HS3ST1: variants seen among roughly 807,000 people sequenced by gnomAD.
HS3ST1 encodes heparan sulfate glucosamine 3-O-sulfotransferase 1.
Under a neutral mutation model 20.7 loss-of-function variants are expected in HS3ST1, and 8 were observed. That is an observed-to-expected ratio of 0.39 (90% CI 0.23 to 0.70). HS3ST1 has a LOEUF of 0.70. Ranked by LOEUF, HS3ST1 falls within the 30% of genes least tolerant of loss-of-function variation. The pLI, the probability that HS3ST1 is intolerant of heterozygous loss-of-function variation, is 0.46. For synonymous variants in HS3ST1, 205 were observed against 190.4 expected (o/e 1.08, Z -0.63); for missense variants, 436 against 423.4 (o/e 1.03, Z -0.26).
At chr4:11,403,399 G>A (rs1388689719) in intron 1 of HS3ST1, among the ~76,000 whole-genome samples, 1 of 152,176 alleles carries the variant, frequency 6.6e-6, no homozygotes, top group Non-Finnish European at 1.5e-5. Context: ...GAACCTGTAA[G>A]CCATTCCTGT....
At position 11,394,562 on chromosome 4, in the gene HS3ST1, A is replaced by G. The variant is rs887228250; in HGVS notation, c.*4520T>C. ...GTTTTATCACGTCCCTGTTGCATCAAATCCCAGCCACTGCTTTGCTTGAAG... is the reference window on the plus strand; with the variant it reads ...GTTTTATCACGTCCCTGTTGCATCAGATCCCAGCCACTGCTTTGCTTGAAG... On this transcript the variant is annotated 3_prime_UTR_variant, in exon 2 of 2. Coordinates refer to ENST00000002596, the MANE Select transcript of HS3ST1 (RefSeq NM_005114.4). 1.3e-5 allele frequency: 2 copies of G among 152,158 alleles called. No individual in the cohort carries two copies. Among genetic ancestry groups the G allele is most frequent in the African/African-American group, 2.4e-5 (1 of 41,428 alleles). 9.4% of individuals were successfully genotyped at this position (152,158 alleles called of 1,614,324 possible). A position where few individuals can be genotyped will look rare whatever the true frequency, so the allele number is the denominator to read the frequency against.
chr4:11,402,591 G>A (rs996384351), intron 1 of HS3ST1, among the ~76,000 whole-genome samples: 1 of 152,202 alleles, frequency 6.6e-6, no homozygotes, highest in African/African-American at 2.4e-5. Context: ...GTGTGTGTGT[G>A]TGTGCAGGTA....
At position 11,399,144 on chromosome 4, in the gene HS3ST1, A is replaced by T; in HGVS notation, c.862T>A (p.Tyr288Asn). Residue 288 changes from tyrosine (Y) to asparagine (N), a missense_variant, in exon 2 of 2, where the codon TAT (tyrosine) becomes AAT (asparagine). Tyr to Asn is a moderately radical substitution (Grantham distance 143, BLOSUM62 -2). Coordinates refer to ENST00000002596, the MANE Select transcript of HS3ST1 (RefSeq NM_005114.4). This position sits in a 1 kb window ranked among gnomAD's most constrained non-coding sequence, Gnocchi z 5.1. ...AACTTCTTATTTGGCTCATGAAAATATTCGTGCAGTTTATTGAGTAGTTTG... is the reference window on the plus strand; with the variant it reads ...AACTTCTTATTTGGCTCATGAAAATTTTCGTGCAGTTTATTGAGTAGTTTG... ...DPKLLNKLHE[Y>N]FHEPNKKFFE... The T allele has an allele frequency of 1.2e-6, 2 of 1,614,132 alleles. No individual in the cohort carries two copies. Among genetic ancestry groups the T allele is most frequent in the Non-Finnish European group, 1.7e-6 (2 of 1,179,992 alleles).
chr4:11,399,250 C>T lies in HS3ST1; in HGVS notation c.756G>A (p.Lys252=), dbSNP rs777343975. Residue 252 remains lysine (K), a synonymous_variant, in exon 2 of 2, where the codon AAG becomes AAA. Transcript: ENST00000002596. The surrounding 1 kb of genome is among the most constrained non-coding windows in gnomAD (Gnocchi z 5.1). ...CGCTGTCCCGCAGGCAGTAAAAGCC[C>T]TTGGTTTTGTTAAAGTAGAAGTTCG... ...NASNFYFNKT[K]GFYCLRDSGR... is the part of the protein sequence containing the mutation. 2.1e-5 allele frequency: 34 copies of T among 1,614,054 alleles called. No homozygotes were observed. In the Admixed American group the frequency reaches 5.3e-4, roughly 25 times the overall value.
At chr4:11,401,090 T>C (rs772150037) in intron 1 of HS3ST1, among the ~76,000 whole-genome samples, 2 of 152,186 alleles carry the variant, frequency 1.3e-5, no homozygotes, top group Non-Finnish European at 2.9e-5. Context: ...GAGATATATG[T>C]TATGATTGTA....
chr4:11,402,060 A>G (rs549774581), intron 1 of HS3ST1, among the ~76,000 whole-genome samples: 107 of 152,364 alleles, frequency 7.0e-4, no homozygotes, highest in African/African-American at 2.5e-3. Flanking sequence ...CTCCATCAAG[A>G]GGACTCATCA....
At chr4:11,423,227 C>T (rs16881663) in intron 1 of HS3ST1, among the ~76,000 whole-genome samples, 1,749 of 152,088 alleles carry the variant, frequency 0.011, 38 homozygotes, top group African/African-American at 0.04. Context: ...TACTCTAACA[C>T]GTAATGCAAT....
At chr4:11,431,777 G>C (rs1025692678), upstream of HS3ST1, among the ~76,000 whole-genome samples, 27 of 152,278 alleles carry the variant, frequency 1.8e-4, no homozygotes, top group Admixed American at 1.4e-3. Context: ...GTGTATCTAA[G>C]GCTTATAGTG....
intron 1 of HS3ST1, among the ~76,000 whole-genome samples, chr4:11,408,174 C>A (rs1044409970): frequency 1.3e-5 from 2 of 152,112 alleles, no homozygotes; most frequent in Admixed American, 1.3e-4. Flanking sequence ...AGCTCTGTAA[C>A]TTGAAATCTG....
chr4:11,414,250 C>A (rs1316487703), intron 1 of HS3ST1: 1 of 152,192 alleles, frequency 6.6e-6, no homozygotes, highest in Non-Finnish European at 1.5e-5. Flanking sequence ...AGTCCTGGTT[C>A]CATCTCCTTT....
rs1308577763 is a variant in HS3ST1 at position 11,397,441 on chromosome 4, C to T, written c.*1641G>A. The T allele has an allele frequency of 6.6e-6, 1 of 152,286 alleles. No individual in the cohort carries two copies. The highest frequency in any genetic ancestry group is 1.5e-5 in the Non-Finnish European group (1 of 68,082). The allele number at this position is 152,286 out of a possible 1,614,324, so 9.4% of individuals were successfully genotyped here. Reference sequence around the variant, plus strand: ...TTGCCCTTCCTGTATCTGGGACACACCTCTTAGGATGGAAGATATTTGGCA... The same window carrying T: ...TTGCCCTTCCTGTATCTGGGACACATCTCTTAGGATGGAAGATATTTGGCA... On this transcript the variant is annotated 3_prime_UTR_variant, in exon 2 of 2. Transcript: ENST00000002596.
At chr4:11,401,732 T>G (rs1376196779) in intron 1 of HS3ST1, among the ~76,000 whole-genome samples, 1 of 152,240 alleles carries the variant, frequency 6.6e-6, no homozygotes, top group Admixed American at 6.5e-5. Context: ...TTGAAAACTC[T>G]AAACTCAGTG....
At chr4:11,404,606 G>A (rs1429226568) in intron 1 of HS3ST1, among the ~76,000 whole-genome samples, 8 of 152,236 alleles carry the variant, frequency 5.3e-5, no homozygotes, top group Non-Finnish European at 8.8e-5. Flanking sequence ...CTGAACAGGA[G>A]AAGAACCAGG....
Position 11,396,183 on chromosome 4 carries a change from C to T in HS3ST1, c.*2899G>A, listed in dbSNP as rs1049246391. 1 of 152,200 alleles carries T rather than the reference C, an allele frequency of 6.6e-6. No homozygotes were observed. Among genetic ancestry groups the T allele is most frequent in the Non-Finnish European group, 1.5e-5 (1 of 68,050 alleles). 9.4% of individuals were successfully genotyped at this position (152,200 alleles called of 1,614,324 possible). A position where few individuals can be genotyped will look rare whatever the true frequency, so the allele number is the denominator to read the frequency against. On this transcript the variant is annotated 3_prime_UTR_variant, in exon 2 of 2. Transcript: ENST00000002596. ...CCAAGCACAGAAGGAGTAAAGCACC[C>T]TGTGCTCAGAGGCATGTCACTTTTC...
intron 1 of HS3ST1, among the ~76,000 whole-genome samples, chr4:11,425,468 G>T (rs1265692252): frequency 6.6e-6 from 1 of 152,130 alleles, no homozygotes; most frequent in Non-Finnish European, 1.5e-5. Context: ...TCTAAAAATT[G>T]ACTGTGATCC....
Position 11,403,498 on chromosome 4 carries a change from G to T in HS3ST1, c.-108-3385C>A, listed in dbSNP as rs373904136. ...TGCCTTTCACACCCCAAGATGACTT[G>T]CCCAGTGTCACATAGTAAATCTGTT... is the stretch of plus-strand genomic sequence containing the variant. On this transcript the variant is annotated intron_variant, in intron 1 of 1. Transcript: ENST00000002596. Among the ~76,000 whole-genome samples the T allele has an allele frequency of 7.7e-4, 118 of 152,316 alleles. 1 individual carries two copies. Among genetic ancestry groups the T allele is most frequent in the African/African-American group, 2.5e-3 (105 of 41,576 alleles).
At chr4:11,425,307 A>G (rs1379708870) in intron 1 of HS3ST1, among the ~76,000 whole-genome samples, 1 of 152,174 alleles carries the variant, frequency 6.6e-6, no homozygotes, top group African/African-American at 2.4e-5. Context: ...ATCTCGTGAC[A>G]CTGGTCATGT....
intron 1 of HS3ST1, among the ~76,000 whole-genome samples, chr4:11,417,369 A>G (rs1718812064): frequency 6.6e-6 from 1 of 152,178 alleles, no homozygotes; most frequent in South Asian, 2.1e-4. Context: ...GATTAGAGAC[A>G]GATTTTGGTG....
At position 11,400,045 on chromosome 4, in the gene HS3ST1, G is replaced by T; in HGVS notation, c.-40C>A. On this transcript the variant is annotated 5_prime_UTR_variant, in exon 2 of 2. Coordinates refer to ENST00000002596, the MANE Select transcript of HS3ST1 (RefSeq NM_005114.4). ...TGGCTTCACTGGGCCGCGCGCCGCT[G>T]GGTCATGAAGTGCCGCAGCAGGGAA... 6.9e-7 allele frequency: 1 copy of T among 1,444,446 alleles called. No homozygotes were observed. Among genetic ancestry groups the T allele is most frequent in the Non-Finnish European group, 9.1e-7 (1 of 1,102,642 alleles). The allele number at this position is 1,444,446 out of a possible 1,614,324, so 89.5% of individuals were successfully genotyped here.
Sources: allele counts gnomAD v4.1 joint callset (sites outside exome capture counted in the v4.1 genomes callset), GRCh38; gene constraint gnomAD v4.1.1; non-coding constraint Gnocchi (gnomAD v3.1); transcripts MANE v1.5; gene names NCBI Gene and HGNC (gene_info 2026-07-23, HGNC 2026-07-21).